The following CSMD1 variants were observed in gnomAD, a reference collection of about 807,000 sequenced individuals.
CSMD1 encodes CUB and Sushi multiple domains 1.
CSMD1 carries 213 observed loss-of-function variants against 417.5 expected under a neutral mutation model. That is an observed-to-expected ratio of 0.51 (90% CI 0.46 to 0.57). The LOEUF (loss-of-function observed/expected upper bound fraction) is 0.57. CSMD1 is among the 20% of genes least tolerant of loss of function. The pLI, the probability that CSMD1 is intolerant of heterozygous loss-of-function variation, is 0.00. For synonymous variants in CSMD1, 2,862 were observed against 1,736.8 expected, an observed-to-expected ratio of 1.65 and a Z score of -16.11; for missense variants, 6,923 against 4,529.7, an observed-to-expected ratio of 1.53 and a Z score of -15.17.
At chr8:4,321,675 C>T (rs746906021) in intron 3 of CSMD1, among the ~76,000 whole-genome samples, 25 of 152,156 alleles carry the variant, frequency 1.6e-4, no homozygotes, top group Admixed American at 3.3e-4. Context: ...AGCTGTTCAA[C>T]ATTCCTAAGA....
chr8:4,594,607 C>T (rs11774942), intron 2 of CSMD1, among the ~76,000 whole-genome samples: 106,027 of 151,960 alleles, frequency 0.7, 37,004 homozygotes, highest in African/African-American at 0.73. Flanking sequence ...TAACAGGAAA[C>T]AAGAAGCAAA....
At chr8:3,497,711 G>T (rs1240963116) in intron 10 of CSMD1, among the ~76,000 whole-genome samples, 1 of 152,126 alleles carries the variant, frequency 6.6e-6, no homozygotes, top group African/African-American at 2.4e-5. Flanking sequence ...TTTCTTATAG[G>T]CAGTATGCAC....
intron 2 of CSMD1, among the ~76,000 whole-genome samples, chr8:4,429,355 T>C (rs1446185808): frequency 6.6e-6 from 1 of 152,076 alleles, no homozygotes; most frequent in Non-Finnish European, 1.5e-5. Flanking sequence ...TACATAGATA[T>C]ACACACATTT....
intron 1 of CSMD1, among the ~76,000 whole-genome samples, chr8:4,980,709 C>A (rs985284888): frequency 5.9e-5 from 9 of 152,042 alleles, no homozygotes; most frequent in Non-Finnish European, 1.3e-4. Flanking sequence ...CCAAGACCAG[C>A]GTGGACAACA....
intron 2 of CSMD1, among the ~76,000 whole-genome samples, chr8:4,544,867 G>A (rs976868235): frequency 6.6e-6 from 1 of 152,168 alleles, no homozygotes; most frequent in Non-Finnish European, 1.5e-5. Flanking sequence ...AATTGAATAA[G>A]CAGCAAGGAA....
intron 5 of CSMD1, among the ~76,000 whole-genome samples, chr8:3,950,533 G>C (rs1811531405): frequency 6.6e-6 from 1 of 152,220 alleles, no homozygotes; most frequent in Non-Finnish European, 1.5e-5. Flanking sequence ...AGTTTTCTCA[G>C]CATGACAGAG....
At chr8:4,043,403 C>T (rs976794608) in intron 3 of CSMD1, among the ~76,000 whole-genome samples, 2 of 151,984 alleles carry the variant, frequency 1.3e-5, no homozygotes, top group Admixed American at 6.5e-5. Flanking sequence ...ACATAGGAAG[C>T]GTAAATGACA....
At chr8:3,919,003 C>A (rs947659603) in intron 5 of CSMD1, among the ~76,000 whole-genome samples, 1 of 151,764 alleles carries the variant, frequency 6.6e-6, no homozygotes, top group Non-Finnish European at 1.5e-5. Context: ...AACCAAATAC[C>A]ACCTGCTCCA....
Position 3,322,290 on chromosome 8 carries a change from G to A in CSMD1, c.3632-13787C>T, listed in dbSNP as rs373901758. Among the ~76,000 whole-genome samples, 4 of 152,004 alleles carry A rather than the reference G, an allele frequency of 2.6e-5. No homozygotes were observed. In the East Asian group the frequency reaches 5.8e-4, roughly 22 times the overall value. ...CATTTTATTTTTATATTTTCACTTA[G>A]AGCCATTTTATTCCTTTAGGTCTGT... On this transcript the variant is annotated intron_variant, in intron 23 of 69. Transcript: ENST00000635120.
intron 3 of CSMD1, among the ~76,000 whole-genome samples, chr8:4,387,288 T>G (rs1418807319): frequency 6.6e-6 from 1 of 152,110 alleles, no homozygotes; most frequent in South Asian, 2.1e-4. Flanking sequence ...TTAAATTAAG[T>G]CACTCTACTT....
chr8:3,382,530 A>AATATATATATATAAATTTAT (rs950614519), intron 18 of CSMD1, among the ~76,000 whole-genome samples: 1 of 123,564 alleles, frequency 8.1e-6, no homozygotes, highest in African/African-American at 3.0e-5. Context: ...AATTTATATA[A>AATATATATATATAAATTTAT]ATATATATTT....
chr8:4,332,429 G>C (rs1799918429), intron 3 of CSMD1, among the ~76,000 whole-genome samples: 1 of 152,066 alleles, frequency 6.6e-6, no homozygotes, highest in African/African-American at 2.4e-5. Context: ...GCACCTGTGA[G>C]TAAGCACTGA....
chr8:4,522,364 C>G (rs1049184318), intron 2 of CSMD1, among the ~76,000 whole-genome samples: 5 of 152,112 alleles, frequency 3.3e-5, no homozygotes, highest in Admixed American at 3.3e-4. Flanking sequence ...ATTGCCAAGT[C>G]TCCGGTATGC....
chr8:4,667,878 T>C (rs144617481), intron 1 of CSMD1, among the ~76,000 whole-genome samples: 259 of 152,356 alleles, frequency 1.7e-3, no homozygotes, highest in Non-Finnish European at 3.1e-3. Context: ...CGGCTAAAAC[T>C]GCTAATGGAA....
chr8:3,580,863 A>G (rs901330631), intron 9 of CSMD1, among the ~76,000 whole-genome samples: 3 of 152,192 alleles, frequency 2.0e-5, no homozygotes, highest in African/African-American at 7.2e-5. Context: ...AGGGCAGAAA[A>G]CACCAATGGA....
chr8:3,290,666 C>G (rs1803486114), intron 25 of CSMD1, among the ~76,000 whole-genome samples: 2 of 147,278 alleles, frequency 1.4e-5, no homozygotes, highest in African/African-American at 5.4e-5. Flanking sequence ...GATTTTTGCA[C>G]ATTGATTTTG....
intron 2 of CSMD1, among the ~76,000 whole-genome samples, chr8:4,564,347 A>G (rs192656056): frequency 2.4e-3 from 361 of 152,342 alleles, no homozygotes; most frequent in Admixed American, 4.6e-3. Context: ...CTAGGCTGCT[A>G]TAAGAAAAAT....
intron 3 of CSMD1, among the ~76,000 whole-genome samples, chr8:4,402,164 C>A (rs922220313): frequency 6.6e-6 from 1 of 152,116 alleles, no homozygotes; most frequent in Non-Finnish European, 1.5e-5. Flanking sequence ...AGCCCTAATA[C>A]CAACCACATC....
Position 3,930,613 on chromosome 8 carries a change from G to C in CSMD1, c.818+67290C>G, listed in dbSNP as rs576134020. On this transcript the variant is annotated intron_variant, in intron 5 of 69. Coordinates refer to ENST00000635120, the MANE Select transcript of CSMD1 (RefSeq NM_033225.6). Reference sequence around the variant, plus strand: ...CCAAAGGAAACGGGACACAGCAGTAGGGTGGCCGTGTCAGGTTATAAGTGA... The same window carrying C: ...CCAAAGGAAACGGGACACAGCAGTACGGTGGCCGTGTCAGGTTATAAGTGA... Among the ~76,000 whole-genome samples, 233 of 150,442 alleles carry C rather than the reference G, an allele frequency of 1.5e-3. 9 individuals are homozygous for C. The highest frequency in any genetic ancestry group is 2.5e-3 in the East Asian group (13 of 5,100).
Sources: allele counts gnomAD v4.1 joint callset (sites outside exome capture counted in the v4.1 genomes callset), GRCh38; gene constraint gnomAD v4.1.1; transcripts MANE v1.5; gene names NCBI Gene and HGNC (gene_info 2026-07-23, HGNC 2026-07-21).